Variants in MED27 observed in about 807,000 individuals in gnomAD.
The protein encoded by MED27 is mediator complex subunit 27, also known as mediator of RNA polymerase II transcription subunit 27.
Under a neutral mutation model 38.2 loss-of-function variants are expected in MED27, and 30 were observed. The observed-to-expected ratio is 0.79, with a 90% confidence interval of 0.59 to 1.07. The LOEUF is 1.07. Among genes scored for constraint, MED27 ranks in the 50% least tolerant of loss-of-function variants. The pLI, the probability that MED27 is intolerant of heterozygous loss-of-function variation, is 0.00. For missense variants in MED27, 289 were observed against 397.5 expected, an observed-to-expected ratio of 0.73 and a Z score of 2.32; for synonymous variants, 122 against 153.5, an observed-to-expected ratio of 0.79 and a Z score of 1.52.
chr9:131,994,220 G>A (rs778385608), intron 3 of MED27, among the ~76,000 whole-genome samples: 24 of 152,066 alleles, frequency 1.6e-4, no homozygotes, highest in Non-Finnish European at 2.8e-4. Context: ...GCTTCAAGTC[G>A]CAATTCCCAG....
At chr9:131,943,346 TAG>T (rs1830820788) in intron 3 of MED27, among the ~76,000 whole-genome samples, 1 of 152,168 alleles carries the variant, frequency 6.6e-6, no homozygotes, top group Non-Finnish European at 1.5e-5. Flanking sequence ...ATTAAAAATC[TAG>T]AGACAAAAAT....
At chr9:132,065,989 T>C (rs1350230957) in intron 2 of MED27, among the ~76,000 whole-genome samples, 2 of 152,210 alleles carry the variant, frequency 1.3e-5, no homozygotes, top group African/African-American at 2.4e-5. Flanking sequence ...CCCAACCTGG[T>C]CACCAAGGTC....
At chr9:131,941,147 C>T (rs959192651) in intron 3 of MED27, among the ~76,000 whole-genome samples, 1 of 152,198 alleles carries the variant, frequency 6.6e-6, no homozygotes, top group Non-Finnish European at 1.5e-5. Context: ...GTTCACCATC[C>T]AATTACACTG....
At chr9:131,932,826 T>C (rs575024391) in intron 4 of MED27, among the ~76,000 whole-genome samples, 50 of 152,162 alleles carry the variant, frequency 3.3e-4, no homozygotes, top group African/African-American at 1.2e-3. Context: ...AAGAAAACTA[T>C]AGGCCAATAT....
rs1224402897 is a variant in MED27 at position 132,079,693 on chromosome 9, G to T, written c.152C>A (p.Ala51Asp). 1.9e-6 allele frequency: 3 copies of T among 1,613,062 alleles called. No individual in the cohort carries two copies. The highest frequency in any genetic ancestry group is 8.5e-7 in the Non-Finnish European group (1 of 1,179,892). Residue 51 changes from alanine (A) to aspartate (D), a missense_variant, in exon 1 of 8, where the codon GCC (alanine) becomes GAC (aspartate). By Grantham distance (126) the Ala-to-Asp change is moderately radical. Transcript: ENST00000292035. ...NKETLEGREK[A>D]FIAHFQDNLH... is the part of the protein sequence containing the mutation. ...GTTGTCCTGGAAGTGCGCAATAAAG[G>T]CCTTCTCCCGGCCCTCCAGCGTCTC...
At chr9:132,058,713 C>T (rs4246168) in intron 2 of MED27, among the ~76,000 whole-genome samples, 148,365 of 152,346 alleles carry the variant, frequency 0.97, 72,273 homozygotes, top group East Asian at 1. Context: ...TGAAGGTCAC[C>T]GGATGACACA....
chr9:132,063,499 T>A (rs951589469), intron 2 of MED27, among the ~76,000 whole-genome samples: 21 of 152,190 alleles, frequency 1.4e-4, no homozygotes, highest in Non-Finnish European at 2.6e-4. Flanking sequence ...GCCAGCAGGA[T>A]AATGTGGTTA....
At chr9:132,049,724 C>T (rs749814145) in intron 2 of MED27, among the ~76,000 whole-genome samples, 8 of 152,090 alleles carry the variant, frequency 5.3e-5, no homozygotes, top group East Asian at 1.9e-4. Context: ...GTGAGCACTC[C>T]GAAGCTGCAC....
At chr9:132,067,521 T>C (rs1272664768) in intron 2 of MED27, among the ~76,000 whole-genome samples, 1 of 152,074 alleles carries the variant, frequency 6.6e-6, no homozygotes, top group Non-Finnish European at 1.5e-5. Flanking sequence ...GGAACGACAA[T>C]TACTTCTGTA....
intron 3 of MED27, among the ~76,000 whole-genome samples, chr9:131,944,568 C>T (rs1319090153): frequency 1.3e-5 from 2 of 150,474 alleles, no homozygotes; most frequent in Non-Finnish European, 3.0e-5. Flanking sequence ...CGCTCTGTCA[C>T]CCAGGCTGGA....
intron 6 of MED27, among the ~76,000 whole-genome samples, chr9:131,877,089 C>T (rs1838948591): frequency 6.6e-6 from 1 of 152,162 alleles, no homozygotes; most frequent in Non-Finnish European, 1.5e-5. Context: ...GCTGTGGAGT[C>T]CCTCTGAGTG....
At chr9:132,014,631 A>G (rs187110632) in intron 2 of MED27, among the ~76,000 whole-genome samples, 164 bp from the exon 3 acceptor site, 1 of 152,360 alleles carries the variant, frequency 6.6e-6, no homozygotes, top group East Asian at 1.9e-4. Context: ...TACCCATAAA[A>G]AGATAATCAG....
intron 6 of MED27, among the ~76,000 whole-genome samples, chr9:131,863,753 C>T (rs902166082): frequency 6.6e-6 from 1 of 152,144 alleles, no homozygotes; most frequent in African/African-American, 2.4e-5. Flanking sequence ...TCGCAGGAGC[C>T]CGGCGCGCCT....
chr9:131,882,512 C>A (rs192436783), intron 6 of MED27, among the ~76,000 whole-genome samples: 1 of 152,354 alleles, frequency 6.6e-6, no homozygotes, highest in East Asian at 1.9e-4. Context: ...ACTGTGGACA[C>A]AACCATTCTT....
intron 2 of MED27, among the ~76,000 whole-genome samples, chr9:132,023,725 C>T (rs1489984469): frequency 6.6e-6 from 1 of 152,090 alleles, no homozygotes; most frequent in African/African-American, 2.4e-5. Flanking sequence ...TGAAGAGAAA[C>T]TCACACGGAA....
Position 131,860,563 on chromosome 9 carries a change from G to C in MED27, c.911C>G (p.Ala304Gly). The change falls in exon 8 of 8, where the codon GCC becomes GGC. Residue 304 changes from alanine (A) to glycine (G), a missense_variant. By Grantham distance (60) the Ala-to-Gly change is moderately conservative. Coordinates refer to ENST00000292035, the MANE Select transcript of MED27 (RefSeq NM_004269.4). The surrounding 1 kb of genome is among the most constrained non-coding windows in gnomAD (Gnocchi z 5.8). ...CTACTGCCGGCAGGTGTCATGGAAG[G>C]CTTCGAGGGTTCGGAAATCCCTCCA... ...PTWRDFRTLEAFHDTCRQ is the reference protein window; with the variant it reads ...PTWRDFRTLEGFHDTCRQ 6.4e-7 allele frequency: 1 copy of C among 1,562,280 alleles called. No homozygotes were observed. Among genetic ancestry groups the C allele is most frequent in the Non-Finnish European group, 8.7e-7 (1 of 1,153,644 alleles).
At chr9:132,033,600 G>A (rs1012945356) in intron 2 of MED27, among the ~76,000 whole-genome samples, 3 of 152,210 alleles carry the variant, frequency 2.0e-5, no homozygotes, top group Non-Finnish European at 4.4e-5. Flanking sequence ...ACATACATTT[G>A]TGTATATAAA....
chr9:131,908,778 C>T (rs571955847), intron 4 of MED27, among the ~76,000 whole-genome samples: 37 of 151,970 alleles, frequency 2.4e-4, no homozygotes, highest in Admixed American at 5.9e-4. Context: ...AAACCAGAGA[C>T]CTTTGTTCAC....
intron 2 of MED27, among the ~76,000 whole-genome samples, chr9:132,043,438 C>A (rs1833264981): frequency 1.3e-5 from 2 of 151,756 alleles, no homozygotes; most frequent in South Asian, 4.2e-4. Flanking sequence ...GCTCATAACA[C>A]ACGCACAGGA....
Sources: gnomAD v4.1 joint callset for allele counts (sites outside exome capture counted in the v4.1 genomes callset) on GRCh38, gnomAD v4.1.1 for gene constraint, Gnocchi (gnomAD v3.1) non-coding constraint, MANE v1.5 for transcripts, NCBI Gene and HGNC (gene_info 2026-07-23, HGNC 2026-07-21) for gene names.